The following VPS26C variants were observed in gnomAD, a reference collection of about 807,000 sequenced individuals.
VPS26C encodes the protein VPS26 endosomal protein sorting factor C.
VPS26C carries 19 observed loss-of-function variants against 30.6 expected under a neutral mutation model. That is an observed-to-expected ratio of 0.62 (90% CI 0.43 to 0.91). The LOEUF (loss-of-function observed/expected upper bound fraction) is 0.91, where lower values mean the gene tolerates loss of function less well. VPS26C is among the 40% of genes least tolerant of loss of function. The pLI is 0.00. For synonymous variants in VPS26C, 132 were observed against 151.5 expected (o/e 0.87, Z 0.95); for missense variants, 318 against 385.1 (o/e 0.83, Z 1.46).
intron 1 of VPS26C, among the ~76,000 whole-genome samples, chr21:37,243,866 T>C (rs1569236709): frequency 6.6e-6 from 1 of 152,198 alleles, no homozygotes; most frequent in Admixed American, 6.5e-5. Flanking sequence ...CTTAACAACC[T>C]ACTTGTAACA....
intron 2 of VPS26C, 38 bp downstream of exon 2, chr21:37,240,458 T>A: frequency 6.2e-7 from 1 of 1,610,802 alleles, no homozygotes; most frequent in Non-Finnish European, 8.5e-7. Context: ...CATTTCAATA[T>A]TGAACTAAAA....
At chr21:37,234,833 CAA>C (rs1491460559) in intron 3 of VPS26C, among the ~76,000 whole-genome samples, 2 of 151,882 alleles carry the variant, frequency 1.3e-5, no homozygotes, top group Non-Finnish European at 1.5e-5. Context: ...AATATATATA[CAA>C]TATATATATT....
intron 1 of VPS26C, 84 bp downstream of exon 1, chr21:37,267,154 G>T: frequency 1.6e-6 from 2 of 1,245,280 alleles, no homozygotes; most frequent in Non-Finnish European, 2.3e-6. Context: ...CTAGGGACGC[G>T]GGACGTGCGC....
rs919162755 is a variant in VPS26C at position 37,257,444 on chromosome 21, G to A, written c.57+9794C>T. Among the ~76,000 whole-genome samples, 3 of 152,232 alleles carry A rather than the reference G, an allele frequency of 2.0e-5. No homozygotes were observed. The highest frequency in any genetic ancestry group is 7.2e-5 in the African/African-American group (3 of 41,446). Reference sequence around the variant, plus strand: ...GGGACGCAGGTCAGCCCACCTAGCCGATGGCTAACAAGTCAGTTTGTTTTC... The same window carrying A: ...GGGACGCAGGTCAGCCCACCTAGCCAATGGCTAACAAGTCAGTTTGTTTTC... On this transcript the variant is annotated intron_variant, in intron 1 of 7. Transcript: ENST00000309117. The surrounding 1 kb of genome is among the most constrained non-coding windows in gnomAD (Gnocchi z 4.2).
intron 1 of VPS26C, among the ~76,000 whole-genome samples, chr21:37,247,692 T>C (rs1359149102): frequency 6.6e-6 from 1 of 152,166 alleles, no homozygotes; most frequent in African/African-American, 2.4e-5. Flanking sequence ...AATTTTATGT[T>C]GTATGACAGA....
intron 1 of VPS26C, among the ~76,000 whole-genome samples, chr21:37,243,381 G>C (rs968241660): frequency 6.6e-6 from 1 of 152,148 alleles, no homozygotes; most frequent in African/African-American, 2.4e-5. Flanking sequence ...GAGAAGAGCC[G>C]TAGCTTCTGT....
chr21:37,255,469 C>CACCAGAG (rs1602284180), intron 1 of VPS26C, among the ~76,000 whole-genome samples: 2 of 152,328 alleles, frequency 1.3e-5, no homozygotes, highest in African/African-American at 4.8e-5. Context: ...TGCTACTGGC[C>CACCAGAG]ACCAGAGACC....
At chr21:37,236,211 G>A (rs1043442869) in intron 3 of VPS26C, among the ~76,000 whole-genome samples, 19 of 152,240 alleles carry the variant, frequency 1.2e-4, no homozygotes, top group East Asian at 3.9e-4. Flanking sequence ...GAGTAAGTGC[G>A]GTAAACAGTG....
At chr21:37,238,665 A>G (rs1001723321) in intron 2 of VPS26C, 56 bp from the exon 3 acceptor site, 7 of 1,593,242 alleles carry the variant, frequency 4.4e-6, no homozygotes, top group African/African-American at 4.0e-5. Context: ...GTCCTTTCCA[A>G]TTACTAATAA....
intron 3 of VPS26C, among the ~76,000 whole-genome samples, chr21:37,234,629 A>G (rs1047920815): frequency 3.3e-5 from 5 of 152,226 alleles, no homozygotes; most frequent in East Asian, 1.9e-4. Context: ...CGTCCAGGAA[A>G]AACTTCAGAA....
rs2085989014 is a variant in VPS26C at position 37,233,546 on chromosome 21, G to A, written c.352-104C>T. 3 of 804,042 alleles carry A rather than the reference G, an allele frequency of 3.7e-6. No individual in the cohort carries two copies. Among genetic ancestry groups the A allele is most frequent in the African/African-American group, 1.7e-5 (1 of 59,040 alleles). The allele number at this position is 804,042 out of a possible 1,614,324, so 49.8% of individuals were successfully genotyped here. A position where few individuals can be genotyped will look rare whatever the true frequency, so the allele number is the denominator to read the frequency against. On this transcript the variant is annotated intron_variant, in intron 3 of 7. Transcript: ENST00000309117. The surrounding 1 kb of genome is among the most constrained non-coding windows in gnomAD (Gnocchi z 5.2). The stretch of plus-strand genomic sequence containing the variant: ...GTCAGTCAACATATTTTAGGGAAAT[G>A]TTGTACAATCAGTGCATTATAGAAA...
chr21:37,258,915 A>T (rs2086275621), intron 1 of VPS26C, among the ~76,000 whole-genome samples: 1 of 152,256 alleles, frequency 6.6e-6, no homozygotes, highest in South Asian at 2.1e-4. Context: ...CAGTTTTCAG[A>T]CAATCTCGGA....
Position 37,227,764 on chromosome 21 carries a change from T to C in VPS26C, c.701A>G (p.Asn234Ser). 1 of 1,614,194 alleles carries C rather than the reference T, an allele frequency of 6.2e-7. No homozygotes were observed. The highest frequency in any genetic ancestry group is 1.3e-5 in the African/African-American group (1 of 75,052). ...CACATCCCCGTCGGCGATCTGAATG[T>C]TCTGAATCTCCGTGGCGTCGCGGGC... is the stretch of plus-strand genomic sequence containing the variant. ...GYARDATEIQ[N>S]IQIADGDVCR... Residue 234 changes from asparagine to serine, a missense_variant, in exon 7 of 8, where the codon AAC becomes AGC. Coordinates refer to ENST00000309117, the MANE Select transcript of VPS26C (RefSeq NM_006052.2).
At chr21:37,238,803 T>G (rs1008795077) in intron 2 of VPS26C, among the ~76,000 whole-genome samples, 194 bp from the exon 3 acceptor site, 1 of 152,174 alleles carries the variant, frequency 6.6e-6, no homozygotes, top group Middle Eastern at 3.2e-3. Context: ...ACAATAATGA[T>G]TCATTTACAA....
intron 1 of VPS26C, among the ~76,000 whole-genome samples, chr21:37,243,395 A>C (rs2086107249): frequency 6.6e-6 from 1 of 152,128 alleles, no homozygotes; most frequent in Non-Finnish European, 1.5e-5. Flanking sequence ...CTTCTGTCTC[A>C]TCATGGAGGA....
rs1017002619 is a variant in VPS26C, at chr21:37,223,756, T to C, written c.*1788A>G. 3.3e-5 allele frequency: 5 copies of C among 152,260 alleles called. No individual in the cohort carries two copies. Among genetic ancestry groups the C allele is most frequent in the African/African-American group, 1.2e-4 (5 of 41,470 alleles). The allele number at this position is 152,260 out of a possible 1,614,324, so 9.4% of individuals were successfully genotyped here. A position where few individuals can be genotyped will look rare whatever the true frequency, so the allele number is the denominator to read the frequency against. On this transcript the variant is annotated 3_prime_UTR_variant, in exon 8 of 8. Coordinates refer to ENST00000309117, the MANE Select transcript of VPS26C (RefSeq NM_006052.2). ...AAAGCAGTGCCTAAATCAGGCTTGT[T>C]TACCCTTGGCATTATGTCACCAAAC...
intron 1 of VPS26C, chr21:37,261,182 G>A (rs2086300071): frequency 6.6e-6 from 1 of 152,220 alleles, no homozygotes; most frequent in African/African-American, 2.4e-5. Context: ...AAATGTGTTT[G>A]TAAACTATTG....
intron 4 of VPS26C, among the ~76,000 whole-genome samples, chr21:37,232,846 G>A (rs1247221869): frequency 6.6e-6 from 1 of 152,214 alleles, no homozygotes; most frequent in Non-Finnish European, 1.5e-5. Flanking sequence ...GAGCTCAGTG[G>A]CCTGCTCAGC....
At chr21:37,231,268 A>G (rs1379199304) in intron 5 of VPS26C, among the ~76,000 whole-genome samples, 1 of 152,256 alleles carries the variant, frequency 6.6e-6, no homozygotes, top group African/African-American at 2.4e-5. Flanking sequence ...TCAATACAGG[A>G]AAAGGAGATG....
Sources: allele counts gnomAD v4.1 joint callset (sites outside exome capture counted in the v4.1 genomes callset), GRCh38; gene constraint gnomAD v4.1.1; non-coding constraint Gnocchi (gnomAD v3.1); transcripts MANE v1.5; gene names NCBI Gene and HGNC (gene_info 2026-07-23, HGNC 2026-07-21).